Variants in DLC1 observed in about 807,000 individuals in gnomAD.
DLC1 encodes the protein rho GTPase-activating protein 7.
In DLC1, 54 loss-of-function variants were observed where a neutral mutation model predicts 140.3. The observed-to-expected ratio is 0.38, with a 90% CI of 0.31 to 0.48. The LOEUF (loss-of-function observed/expected upper bound fraction) is 0.48, where lower values mean the gene tolerates loss of function less well. Ranked by LOEUF, DLC1 falls within the 20% of genes least tolerant of loss-of-function variation. The pLI, the probability that DLC1 is intolerant of heterozygous loss-of-function variation, is 0.96. For synonymous variants in DLC1, 986 were observed against 728.1 expected (o/e 1.35, Z -5.70); for missense variants, 2,536 against 1,907.0 (o/e 1.33, Z -6.14).
At chr8:13,396,281 A>G (rs1345361560) in intron 3 of DLC1, among the ~76,000 whole-genome samples, 3 of 151,896 alleles carry the variant, frequency 2.0e-5, no homozygotes, top group Non-Finnish European at 4.4e-5. Context: ...GGATGGTCTC[A>G]ATCTCCTGAC....
At chr8:13,167,350 G>T (rs575255893) in intron 5 of DLC1, among the ~76,000 whole-genome samples, 3 of 152,128 alleles carry the variant, frequency 2.0e-5, no homozygotes, top group African/African-American at 7.2e-5. Flanking sequence ...GGGGTTTGGG[G>T]ACTCTTTAGT....
At chr8:13,582,030 G>A (rs902403133) in intron 1 of DLC1, among the ~76,000 whole-genome samples, 1 of 152,076 alleles carries the variant, frequency 6.6e-6, no homozygotes, top group Non-Finnish European at 1.5e-5. Flanking sequence ...GTCCCATGGG[G>A]TCTCTGCAAG....
At chr8:13,533,889 A>G (rs890574525) in intron 1 of DLC1, among the ~76,000 whole-genome samples, 1 of 152,108 alleles carries the variant, frequency 6.6e-6, no homozygotes, top group Non-Finnish European at 1.5e-5. Flanking sequence ...TGAGGAAGGT[A>G]CTTGCATCTC....
chr8:13,256,879 T>TAAAAAA (rs570193249), intron 5 of DLC1, among the ~76,000 whole-genome samples: 1 of 105,200 alleles, frequency 9.5e-6, no homozygotes, highest in African/African-American at 3.4e-5. Flanking sequence ...TCCCAGAACT[T>TAAAAAA]AAAAAAAAAA....
intron 2 of DLC1, among the ~76,000 whole-genome samples, chr8:13,419,123 A>T (rs550718680): frequency 2.0e-5 from 3 of 152,180 alleles, no homozygotes; most frequent in Non-Finnish European, 1.5e-5. Flanking sequence ...GGCTGATACA[A>T]TGTGGTTTTC....
chr8:13,299,314 G>T (rs557714502), intron 5 of DLC1, among the ~76,000 whole-genome samples: 15 of 151,862 alleles, frequency 9.9e-5, no homozygotes, highest in African/African-American at 1.4e-4. Flanking sequence ...CAGGTGTGGT[G>T]GTGGGTGCCT....
intron 5 of DLC1, among the ~76,000 whole-genome samples, chr8:13,145,155 A>G (rs1011009192): frequency 6.6e-6 from 1 of 152,188 alleles, no homozygotes; most frequent in Non-Finnish European, 1.5e-5. Context: ...AGTAGTACCT[A>G]TTTAAACTTA....
intron 2 of DLC1, among the ~76,000 whole-genome samples, chr8:13,498,311 C>T (rs1271041840): frequency 6.6e-6 from 1 of 152,194 alleles, no homozygotes; most frequent in Non-Finnish European, 1.5e-5. Context: ...ACTTGCTAAA[C>T]CATAATTCAG....
intron 2 of DLC1, among the ~76,000 whole-genome samples, chr8:13,456,718 C>T (rs908310848): frequency 6.6e-6 from 1 of 152,188 alleles, no homozygotes; most frequent in Non-Finnish European, 1.5e-5. Context: ...CTCAGCTTCC[C>T]AAAGTGCTGG....
chr8:13,112,848 A>G (rs910498369), intron 6 of DLC1, among the ~76,000 whole-genome samples: 1 of 152,172 alleles, frequency 6.6e-6, no homozygotes, highest in Admixed American at 6.5e-5. Context: ...TTCCTGGCCA[A>G]TATTTGACTC....
intron 1 of DLC1, among the ~76,000 whole-genome samples, chr8:13,548,725 C>T (rs1015257012): frequency 1.3e-5 from 2 of 151,952 alleles, no homozygotes; most frequent in African/African-American, 4.8e-5. Context: ...AGAGATATAT[C>T]TCTAAGACCA....
intron 2 of DLC1, among the ~76,000 whole-genome samples, chr8:13,407,321 C>G (rs375520906): frequency 1.3e-5 from 2 of 152,274 alleles, no homozygotes; most frequent in South Asian, 2.1e-4. Context: ...GCTTAAACAA[C>G]AGGAGTCTCC....
At chr8:13,531,480 G>C (rs1563423689) in intron 1 of DLC1, among the ~76,000 whole-genome samples, 1 of 152,104 alleles carries the variant, frequency 6.6e-6, no homozygotes, top group Admixed American at 6.5e-5. Context: ...CAGTTACTCA[G>C]GTGGCTGAGG....
Position 13,393,705 on chromosome 8 carries a change from C to T in DLC1, c.1174-12G>A, listed in dbSNP as rs369036664. ...CCTGATTCCAGATCCTATTAAAAAA[C>T]AAATGCACTGGTATGAAGGACATGT... On this transcript the variant is annotated splice_polypyrimidine_tract_variant and intron_variant, in intron 3 of 17. Transcript: ENST00000276297. 9 of 1,610,434 alleles carry T rather than the reference C, an allele frequency of 5.6e-6. No homozygotes were observed. The highest frequency in any genetic ancestry group is 1.7e-5 in the Admixed American group (1 of 59,440).
chr8:13,513,956 C>T (rs899562105), intron 1 of DLC1, among the ~76,000 whole-genome samples: 3 of 151,888 alleles, frequency 2.0e-5, no homozygotes, highest in Non-Finnish European at 2.9e-5. Flanking sequence ...AAACTAAATT[C>T]GATTCCGACA....
At chr8:13,369,654 A>C (rs1835644139) in intron 4 of DLC1, among the ~76,000 whole-genome samples, 1 of 152,134 alleles carries the variant, frequency 6.6e-6, no homozygotes, top group East Asian at 1.9e-4. Flanking sequence ...CCTTAAAAAT[A>C]CATCTAGAAT....
intron 5 of DLC1, among the ~76,000 whole-genome samples, chr8:13,257,787 C>G (rs1053751043): frequency 6.6e-5 from 10 of 151,700 alleles, no homozygotes; most frequent in Admixed American, 6.6e-4. Flanking sequence ...GTAGAATGTT[C>G]TAATCCTAAC....
At chr8:13,449,368 C>T (rs992182942) in intron 2 of DLC1, among the ~76,000 whole-genome samples, 4 of 152,032 alleles carry the variant, frequency 2.6e-5, no homozygotes, top group Non-Finnish European at 5.9e-5. Context: ...TATTTCCCAG[C>T]GTCAAATGAG....
At chr8:13,292,559 T>C (rs1481134727) in intron 5 of DLC1, among the ~76,000 whole-genome samples, 1 of 152,222 alleles carries the variant, frequency 6.6e-6, no homozygotes, top group Non-Finnish European at 1.5e-5. Flanking sequence ...GATCTTTGTT[T>C]TGTATAGATG....
Sources: gnomAD v4.1 joint callset for allele counts (sites outside exome capture counted in the v4.1 genomes callset) on GRCh38, gnomAD v4.1.1 for gene constraint, MANE v1.5 for transcripts, NCBI Gene and HGNC (gene_info 2026-07-23, HGNC 2026-07-21) for gene names.